The following UNC13C variants were observed in gnomAD, a reference collection of about 807,000 sequenced individuals.
UNC13C encodes unc-13 homolog C, also known as protein unc-13 homolog C.
A neutral mutation model predicts 245.4 loss-of-function variants in UNC13C; 174 were observed. The ratio of observed to expected loss-of-function variants is 0.71; its 90% CI spans 0.63 to 0.80. UNC13C has a LOEUF of 0.80. Among genes scored for constraint, UNC13C ranks in the 30% least tolerant of loss-of-function variants. UNC13C has a pLI of 0.00. For missense variants in UNC13C, 2,829 were observed against 2,602.9 expected (o/e 1.09, Z -1.89); for synonymous variants, 992 against 895.1 (o/e 1.11, Z -1.93).
At chr15:54,528,189 C>T (rs886945197) in intron 25 of UNC13C, among the ~76,000 whole-genome samples, 9 of 152,112 alleles carry the variant, frequency 5.9e-5, no homozygotes, top group African/African-American at 1.4e-4. Flanking sequence ...TCACAGGGCA[C>T]CTACCTGGGA....
At chr15:54,104,139 T>C (rs2141161595) in intron 2 of UNC13C, among the ~76,000 whole-genome samples, 1 of 152,242 alleles carries the variant, frequency 6.6e-6, no homozygotes, top group East Asian at 1.9e-4. Context: ...GACCCATTGC[T>C]CTGGATACTT....
At chr15:54,217,661 G>C (rs1202932375) in intron 4 of UNC13C, among the ~76,000 whole-genome samples, 1 of 151,852 alleles carries the variant, frequency 6.6e-6, no homozygotes, top group Non-Finnish European at 1.5e-5. Flanking sequence ...CTACTTATCT[G>C]TATTATCTCC....
intron 4 of UNC13C, among the ~76,000 whole-genome samples, chr15:54,201,321 A>T (rs1298274139): frequency 6.6e-6 from 1 of 152,114 alleles, no homozygotes; most frequent in Non-Finnish European, 1.5e-5. Flanking sequence ...CTATGAAGCC[A>T]GTATCACTCT....
intron 17 of UNC13C, among the ~76,000 whole-genome samples, chr15:54,367,025 T>C (rs1426134997): frequency 6.6e-6 from 1 of 152,188 alleles, no homozygotes; most frequent in African/African-American, 2.4e-5. Context: ...AGTGACCTTA[T>C]GATGCATGTA....
chr15:54,529,337 T>A (rs1895629646), intron 25 of UNC13C, among the ~76,000 whole-genome samples: 1 of 152,170 alleles, frequency 6.6e-6, no homozygotes, highest in Non-Finnish European at 1.5e-5. Flanking sequence ...AATTTAACAT[T>A]TATTAAAATT....
At chr15:53,862,542 G>A in the UNC13C span, among the ~76,000 whole-genome samples, 1 of 152,138 alleles carries the variant, frequency 6.6e-6, no homozygotes, top group Non-Finnish European at 1.5e-5. Context: ...TTTAGGGTCT[G>A]AGAAAACCCA....
At chr15:54,360,997 C>A (rs953160810) in intron 17 of UNC13C, among the ~76,000 whole-genome samples, 18 of 152,074 alleles carry the variant, frequency 1.2e-4, no homozygotes, top group Non-Finnish European at 7.4e-5. Context: ...TGAATGCTGT[C>A]ATCTTTCTCC....
intron 2 of UNC13C, among the ~76,000 whole-genome samples, chr15:54,121,720 T>C (rs1488140457): frequency 1.3e-5 from 2 of 152,066 alleles, no homozygotes; most frequent in Non-Finnish European, 2.9e-5. Context: ...GAGTGTATTG[T>C]CTTTATATAT....
At chr15:54,337,915 C>T (rs562180171) in intron 16 of UNC13C, among the ~76,000 whole-genome samples, 12 of 152,258 alleles carry the variant, frequency 7.9e-5, no homozygotes, top group Non-Finnish European at 1.2e-4. Context: ...TCCATTGAAA[C>T]GCTTCCCATC....
chr15:54,012,905 TG>T lies in UNC13C; in HGVS notation c.4del (p.Val2?). The T allele has an allele frequency of 6.3e-7, 1 of 1,592,590 alleles. No individual in the cohort carries two copies. The highest frequency in any genetic ancestry group is 8.5e-7 in the Non-Finnish European group (1 of 1,170,902). ...AAAAGCTTGCACTAATTGCTCTCCA[TG>T]GTGGCTAATTTTTTCAAGAGCTTGA... [M>X]VANFFKSLIL... On this transcript the variant is annotated frameshift_variant and start_lost, in exon 2 of 33. Coordinates refer to ENST00000260323, the MANE Select transcript of UNC13C (RefSeq NM_001080534.3). LOFTEE classifies it high-confidence loss of function.
chr15:54,233,347 G>A (rs1000423031), intron 4 of UNC13C, among the ~76,000 whole-genome samples: 1 of 151,862 alleles, frequency 6.6e-6, no homozygotes, highest in Non-Finnish European at 1.5e-5. Flanking sequence ...TGCTTCACAC[G>A]TATTCTATTT....
intron 30 of UNC13C, among the ~76,000 whole-genome samples, chr15:54,571,975 A>G (rs1171005403): frequency 2.0e-5 from 3 of 152,126 alleles, no homozygotes; most frequent in Non-Finnish European, 2.9e-5. Flanking sequence ...CTTTTTACTT[A>G]CTTATTTTTT....
chr15:54,491,983 C>T (rs1325779159), intron 19 of UNC13C, among the ~76,000 whole-genome samples: 1 of 147,972 alleles, frequency 6.8e-6, no homozygotes, highest in Non-Finnish European at 1.5e-5. Flanking sequence ...CAAAGCGAGA[C>T]TCCATCTCAA....
intron 2 of UNC13C, among the ~76,000 whole-genome samples, chr15:54,135,497 C>G (rs1183577572): frequency 6.6e-6 from 1 of 152,090 alleles, no homozygotes; most frequent in Non-Finnish European, 1.5e-5. Flanking sequence ...AATAAGGATC[C>G]AATTGTATTC....
At chr15:54,372,652 C>T (rs137942570) in intron 17 of UNC13C, among the ~76,000 whole-genome samples, 96 of 152,234 alleles carry the variant, frequency 6.3e-4, no homozygotes, top group African/African-American at 2.2e-3. Context: ...TGTTCCTTGG[C>T]CTCCACATTA....
intron 4 of UNC13C, among the ~76,000 whole-genome samples, chr15:54,189,899 A>G (rs951341312): frequency 1.1e-4 from 16 of 152,102 alleles, no homozygotes; most frequent in Admixed American, 9.8e-4. Context: ...CTACTGTAAA[A>G]AAATAGAAGT....
chr15:54,132,435 T>A (rs1363924193), intron 2 of UNC13C, among the ~76,000 whole-genome samples: 1 of 152,150 alleles, frequency 6.6e-6, no homozygotes. Context: ...GAGTTATGAG[T>A]TAAATCAGCA....
intron 19 of UNC13C, among the ~76,000 whole-genome samples, chr15:54,433,966 T>G (rs768426971): frequency 5.9e-5 from 9 of 151,984 alleles, no homozygotes; most frequent in African/African-American, 9.7e-5. Context: ...AAGTCATGAG[T>G]GAACTCCTAT....
At chr15:54,087,398 C>T (rs941898259) in intron 2 of UNC13C, among the ~76,000 whole-genome samples, 26 of 152,142 alleles carry the variant, frequency 1.7e-4, no homozygotes, top group African/African-American at 6.3e-4. Context: ...TGCATTTTTG[C>T]AAAACCTAAC....
Sources: gnomAD v4.1 joint callset for allele counts (sites outside exome capture counted in the v4.1 genomes callset) on GRCh38, gnomAD v4.1.1 for gene constraint, MANE v1.5 for transcripts, NCBI Gene and HGNC (gene_info 2026-07-23, HGNC 2026-07-21) for gene names.